RPS6KA1: variants seen among roughly 807,000 people sequenced by gnomAD.
RPS6KA1 encodes ribosomal protein S6 kinase alpha-1.
A neutral mutation model predicts 91.3 loss-of-function variants in RPS6KA1; 48 were observed. That is an observed-to-expected ratio of 0.53 (90% CI 0.42 to 0.67). The LOEUF (loss-of-function observed/expected upper bound fraction) is 0.67. RPS6KA1 is among the 30% of genes least tolerant of loss of function. The pLI is 0.00. For missense variants in RPS6KA1, 719 were observed against 960.5 expected (o/e 0.75, Z 3.32); for synonymous variants, 359 against 384.7 (o/e 0.93, Z 0.78).
At chr1:26,548,536 A>G (rs1239426600) in intron 4 of RPS6KA1, among the ~76,000 whole-genome samples, 1 of 152,136 alleles carries the variant, frequency 6.6e-6, no homozygotes, top group African/African-American at 2.4e-5. Flanking sequence ...TGTGGCTCAT[A>G]CCTGTAATCC....
chr1:26,542,651 C>A (rs1246188517), intron 2 of RPS6KA1, among the ~76,000 whole-genome samples: 1 of 152,190 alleles, frequency 6.6e-6, no homozygotes, highest in Admixed American at 6.5e-5. Flanking sequence ...TTCTTCGGGG[C>A]AGCTGAGCAG....
chr1:26,553,600 C>T, intron 7 of RPS6KA1, 103 bp downstream of exon 7: 1 of 671,326 alleles, frequency 1.5e-6, no homozygotes, highest in Non-Finnish European at 2.6e-6. Flanking sequence ...AGAAACGTCT[C>T]CCTCTCTTGG....
At position 26,571,812 on chromosome 1, in the gene RPS6KA1, C is replaced by T. The variant is rs747917584; in HGVS notation, c.1753-37C>T. 3 of 1,589,592 alleles carry T rather than the reference C, an allele frequency of 1.9e-6. No homozygotes were observed. The highest frequency in any genetic ancestry group is 2.3e-5 in the East Asian group (1 of 44,388). On this transcript the variant is annotated intron_variant, in intron 18 of 21. Transcript: ENST00000374168. The surrounding 1 kb of genome is among the most constrained non-coding windows in gnomAD (Gnocchi z 5.1). Reference sequence around the variant, plus strand: ...AACATCTGTGGCGACTTTCTACTGCCCCCCCAGACTGACCACCTCCCCTGC... The same window carrying T: ...AACATCTGTGGCGACTTTCTACTGCTCCCCCAGACTGACCACCTCCCCTGC...
At chr1:26,535,216 A>AGGG (rs1480357430) in intron 1 of RPS6KA1, among the ~76,000 whole-genome samples, 1 of 151,918 alleles carries the variant, frequency 6.6e-6, no homozygotes, top group Non-Finnish European at 1.5e-5. Context: ...GTGTGCATGG[A>AGGG]GGGGCCTGTA....
rs2076099046 is a variant in RPS6KA1 at position 26,556,089 on chromosome 1, A to G, written c.916+464A>G. 1.9e-5 allele frequency: 4 copies of G among 207,366 alleles called. No individual in the cohort carries two copies. In the Admixed American group the frequency reaches 2.1e-4, roughly 11 times the overall value. 12.8% of individuals were successfully genotyped at this position (207,366 alleles called of 1,614,324 possible). A position where few individuals can be genotyped will look rare whatever the true frequency, so the allele number is the denominator to read the frequency against. ...TCTGCACCGCAGGTTCCTCGTCTCA[A>G]TGGGAGATGATGATCCCAAGCTTGC... On this transcript the variant is annotated intron_variant, in intron 11 of 21. Transcript: ENST00000374168.
At chr1:26,545,431 C>T (rs1402631479) in intron 2 of RPS6KA1, among the ~76,000 whole-genome samples, 3 of 151,814 alleles carry the variant, frequency 2.0e-5, no homozygotes, top group African/African-American at 7.3e-5. Context: ...CCGCCTCAGC[C>T]TCCCAAAGTG....
chr1:26,572,040 T>C lies in RPS6KA1; in HGVS notation c.1829+115T>C, dbSNP rs977786108. 6 of 1,324,736 alleles carry C rather than the reference T, an allele frequency of 4.5e-6. No individual in the cohort carries two copies. In the African/African-American group the frequency reaches 8.7e-5, roughly 19 times the overall value. The allele number at this position is 1,324,736 out of a possible 1,614,324, so 82.1% of individuals were successfully genotyped here. On this transcript the variant is annotated intron_variant, in intron 19 of 21. Transcript: ENST00000374168. ...GCCCCGCCCCAGGATGGTCTGGAAA[T>C]AGGGACATGCTCCTGCCTCCAGGAG... is the stretch of plus-strand genomic sequence containing the variant.
intron 17 of RPS6KA1, among the ~76,000 whole-genome samples, chr1:26,562,252 A>G (rs1009200030): frequency 2.0e-5 from 3 of 152,200 alleles, no homozygotes; most frequent in Admixed American, 2.0e-4. Flanking sequence ...TGATTTTCAC[A>G]ACAACTCTGA....
rs1405087753 is a variant in RPS6KA1, at chr1:26,561,040, T to A, written c.1342-5T>A. On this transcript the variant is annotated splice_region_variant and splice_polypyrimidine_tract_variant and intron_variant, in intron 15 of 21. Coordinates refer to ENST00000374168, the MANE Select transcript of RPS6KA1 (RefSeq NM_002953.4). This position sits in a 1 kb window ranked among gnomAD's most constrained non-coding sequence, Gnocchi z 5.7. ...GACACTGCCACATGCACCCCCTTTC[T>A]TCAGGTCATTGATAAGAGCAAGCGG... is the stretch of plus-strand genomic sequence containing the variant. The A allele has an allele frequency of 6.2e-7, 1 of 1,613,620 alleles. No individual in the cohort carries two copies. The highest frequency in any genetic ancestry group is 1.7e-5 in the Admixed American group (1 of 60,016).
At chr1:26,573,992 A>G in intron 21 of RPS6KA1, 87 bp from the exon 22 acceptor site, 1 of 1,469,350 alleles carries the variant, frequency 6.8e-7, no homozygotes, top group Non-Finnish European at 9.2e-7. Context: ...TGGAACACTG[A>G]GAGGGGCTGG....
rs1486583804 is a variant in RPS6KA1, at chr1:26,574,192, C to T, written c.2199C>T (p.Thr733=). 4 of 1,614,152 alleles carry T rather than the reference C, an allele frequency of 2.5e-6. No individual in the cohort carries two copies. Among genetic ancestry groups the T allele is most frequent in the Non-Finnish European group, 3.4e-6 (4 of 1,180,028 alleles). Reference sequence around the variant, plus strand: ...GGCGAGTGAGGAAGTTGCCATCCACCACCCTGTGAGGCACCAGGGCATTCG... The same window carrying T: ...GGCGAGTGAGGAAGTTGCCATCCACTACCCTGTGAGGCACCAGGGCATTCG... ...AQRRVRKLPS[T]TL is the part of the protein sequence containing the mutation. Residue 733 remains threonine (T), a synonymous_variant, in exon 22 of 22, where the codon ACC becomes ACT. Coordinates refer to ENST00000374168, the MANE Select transcript of RPS6KA1 (RefSeq NM_002953.4). This position sits in a 1 kb window ranked among gnomAD's most constrained non-coding sequence, Gnocchi z 4.3.
chr1:26,548,061 C>G (rs2076011239), intron 4 of RPS6KA1, among the ~76,000 whole-genome samples: 3 of 151,906 alleles, frequency 2.0e-5, no homozygotes, highest in African/African-American at 4.8e-5. Flanking sequence ...CCAGTCAGAG[C>G]CAAATCCTAG....
At position 26,556,662 on chromosome 1, in the gene RPS6KA1, C is replaced by T; in HGVS notation, c.925C>T (p.Pro309Ser). 1 of 1,614,196 alleles carries T rather than the reference C, an allele frequency of 6.2e-7. No individual in the cohort carries two copies. Among genetic ancestry groups the T allele is most frequent in the Non-Finnish European group, 8.5e-7 (1 of 1,180,036 alleles). The change falls in exon 12 of 22, where the codon CCT becomes TCT. Residue 309 changes from proline to serine, a missense_variant. Around this residue, in one of 5 missense-constraint regions of RPS6KA1, gnomAD observed 228 missense variants for 247.6 expected, o/e 0.92. Coordinates refer to ENST00000374168, the MANE Select transcript of RPS6KA1 (RefSeq NM_002953.4). ...CATTTGGGCTCTTTCAGGCTCCGGC[C>T]CTGATGGGGCAGAGGAAATCAAGCG... is the stretch of plus-strand genomic sequence containing the variant. ...RNPANRLGSGPDGAEEIKRHV... is the reference protein window; with the variant it reads ...RNPANRLGSGSDGAEEIKRHV...
At chr1:26,543,334 C>A in intron 2 of RPS6KA1, 1 of 789,272 alleles carries the variant, frequency 1.3e-6, no homozygotes. Context: ...CTGTCTCTGT[C>A]CCCAGGGAGT....
chr1:26,541,953 T>A (rs1368416437), intron 2 of RPS6KA1, among the ~76,000 whole-genome samples: 1 of 152,168 alleles, frequency 6.6e-6, no homozygotes, highest in Non-Finnish European at 1.5e-5. Flanking sequence ...GAAGTCCCTA[T>A]GCGGGGGATG....
intron 4 of RPS6KA1, among the ~76,000 whole-genome samples, chr1:26,550,500 A>T (rs992335478): frequency 1.3e-5 from 2 of 149,134 alleles, no homozygotes; most frequent in Admixed American, 1.3e-4. Flanking sequence ...TGTATTTTTA[A>T]TAGAGACAGG....
At chr1:26,532,937 C>T (rs1264503766) in intron 1 of RPS6KA1, among the ~76,000 whole-genome samples, 1 of 152,206 alleles carries the variant, frequency 6.6e-6, no homozygotes, top group Admixed American at 6.5e-5. Flanking sequence ...GTCCTTCATT[C>T]AGTACTCTGC....
intron 17 of RPS6KA1, among the ~76,000 whole-genome samples, chr1:26,563,887 C>T (rs1008863105): frequency 6.6e-6 from 1 of 152,146 alleles, no homozygotes; most frequent in Non-Finnish European, 1.5e-5. Flanking sequence ...CTTTGGGAAG[C>T]CAAGATGGGC....
chr1:26,548,690 T>C (rs575089047), intron 4 of RPS6KA1, among the ~76,000 whole-genome samples: 4 of 151,468 alleles, frequency 2.6e-5, no homozygotes, highest in Admixed American at 1.3e-4. Context: ...TCCCAGCTAC[T>C]CAGGAGGTTG....
Sources: gnomAD v4.1 joint callset for allele counts (sites outside exome capture counted in the v4.1 genomes callset) on GRCh38, gnomAD v4.1.1 for gene constraint, gnomAD v4.1.1 regional missense constraint, Gnocchi (gnomAD v3.1) non-coding constraint, MANE v1.5 for transcripts, NCBI Gene and HGNC (gene_info 2026-07-23, HGNC 2026-07-21) for gene names.